The following MELK variants were observed in gnomAD, a reference collection of about 807,000 sequenced individuals.
MELK encodes the protein pEg3 kinase.
MELK carries 81 observed loss-of-function variants against 85.0 expected under a neutral mutation model. That is an observed-to-expected ratio of 0.95 (90% CI 0.80 to 1.15). The LOEUF is 1.15. Among genes scored for constraint, MELK ranks in the 50% most tolerant of loss-of-function variants. MELK has a pLI of 0.00. For missense variants in MELK, 754 were observed against 777.5 expected, an observed-to-expected ratio of 0.97 and a Z score of 0.36; for synonymous variants, 252 against 265.0, an observed-to-expected ratio of 0.95 and a Z score of 0.48.
In MELK at chr9:36,677,387, A is replaced by T; in HGVS notation, c.*50A>T. The T allele has an allele frequency of 6.7e-7, 1 of 1,484,514 alleles. No homozygotes were observed. Among genetic ancestry groups the T allele is most frequent in the Non-Finnish European group, 9.1e-7 (1 of 1,098,898 alleles). The allele number at this position is 1,484,514 out of a possible 1,614,324, so 92.0% of individuals were successfully genotyped here. ...GATGAGTGTGGGTGTGATACAGCCT[A>T]CATAAAGACTGTTATGATCGCTTTG... is the stretch of plus-strand genomic sequence containing the variant. On this transcript the variant is annotated 3_prime_UTR_variant, in exon 18 of 18. Transcript: ENST00000298048.
intron 3 of MELK, among the ~76,000 whole-genome samples, chr9:36,588,921 G>T (rs895438261): frequency 1.4e-4 from 22 of 152,136 alleles, no homozygotes; most frequent in Non-Finnish European, 2.8e-4. Flanking sequence ...GCTGAAAGTG[G>T]TAGCTCAGGC....
intron 4 of MELK, among the ~76,000 whole-genome samples, chr9:36,593,914 C>T (rs983358680): frequency 4.6e-5 from 7 of 152,124 alleles, no homozygotes; most frequent in Admixed American, 4.6e-4. Flanking sequence ...ACTCCTGATC[C>T]ACCCACCTCG....
rs747343194 is a variant in MELK at position 36,657,390 on chromosome 9, G to A, written c.1176+27G>A. The A allele has an allele frequency of 4.5e-6, 7 of 1,570,442 alleles. No homozygotes were observed. In the East Asian group the frequency reaches 1.4e-4, roughly 30 times the overall value. On this transcript the variant is annotated intron_variant, in intron 13 of 17. Transcript: ENST00000298048. ...TTCGTCATTCTTATTACTATTTAAG[G>A]CAGAATCTATTGTTTCAATTATAAA...
chr9:36,594,104 G>A (rs569991136), intron 4 of MELK, among the ~76,000 whole-genome samples: 1 of 152,316 alleles, frequency 6.6e-6, no homozygotes, highest in African/African-American at 2.4e-5. Flanking sequence ...TCACAGAAAA[G>A]TGGAGAAAGT....
chr9:36,636,340 T>C (rs1829135366), intron 10 of MELK, among the ~76,000 whole-genome samples: 1 of 151,656 alleles, frequency 6.6e-6, no homozygotes, highest in Admixed American at 6.6e-5. Flanking sequence ...CCGTTTCTAG[T>C]AAAAATACAA....
At chr9:36,667,322 A>AT (rs1832478634) in intron 14 of MELK, among the ~76,000 whole-genome samples, 1 of 151,624 alleles carries the variant, frequency 6.6e-6, no homozygotes, top group Non-Finnish European at 1.5e-5. Flanking sequence ...CGCTCAGCTA[A>AT]TTTTCGTATT....
chr9:36,626,733 G>A (rs955777437), intron 8 of MELK, among the ~76,000 whole-genome samples: 2 of 151,912 alleles, frequency 1.3e-5, no homozygotes, highest in South Asian at 2.1e-4. Flanking sequence ...TGAGGCGGGC[G>A]GATCACCTGA....
intron 8 of MELK, among the ~76,000 whole-genome samples, chr9:36,619,743 G>C (rs1358366076): frequency 6.6e-6 from 1 of 152,190 alleles, no homozygotes; most frequent in Non-Finnish European, 1.5e-5. Context: ...TTCTGTGTTT[G>C]AGTTGTGCTG....
intron 11 of MELK, among the ~76,000 whole-genome samples, chr9:36,648,991 G>A (rs143197332): frequency 5.1e-4 from 78 of 152,248 alleles, no homozygotes; most frequent in African/African-American, 1.8e-3. Flanking sequence ...CCCCAGATAT[G>A]CAGGGAGCGG....
At chr9:36,638,709 T>C (rs1267617655) in intron 10 of MELK, among the ~76,000 whole-genome samples, 2 of 152,228 alleles carry the variant, frequency 1.3e-5, no homozygotes, top group African/African-American at 4.8e-5. Flanking sequence ...ACTGTTAGGA[T>C]AGTACCTTTA....
intron 7 of MELK, among the ~76,000 whole-genome samples, chr9:36,601,529 T>C (rs978525056): frequency 9.2e-5 from 14 of 152,330 alleles, no homozygotes; most frequent in South Asian, 8.3e-4. Flanking sequence ...ACGTTTATCA[T>C]AGTCCTGGAA....
In MELK at chr9:36,597,331, G is replaced by A. The variant is rs768627517; in HGVS notation, c.474+41G>A. The A allele has an allele frequency of 5.2e-6, 8 of 1,532,830 alleles. No individual in the cohort carries two copies. The Admixed American group carries it at 1.4e-4, about 27-fold the overall frequency. 95.0% of individuals were successfully genotyped at this position (1,532,830 alleles called of 1,614,324 possible). A position where few individuals can be genotyped will look rare whatever the true frequency, so the allele number is the denominator to read the frequency against. ...AGATGCATCTATGTTCTTTGTAAAT[G>A]CATTTATTTCTTAGTGTGTGATTTT... On this transcript the variant is annotated intron_variant, in intron 6 of 17. Coordinates refer to ENST00000298048, the MANE Select transcript of MELK (RefSeq NM_014791.4).
At chr9:36,615,563 T>A (rs920369250) in intron 8 of MELK, among the ~76,000 whole-genome samples, 1 of 125,064 alleles carries the variant, frequency 8.0e-6, no homozygotes, top group African/African-American at 3.9e-5. Context: ...CCAGATGGGG[T>A]GGCTGCTGGG....
intron 10 of MELK, among the ~76,000 whole-genome samples, chr9:36,636,643 G>C (rs1487583743): frequency 1.3e-5 from 2 of 152,178 alleles, no homozygotes; most frequent in Non-Finnish European, 2.9e-5. Flanking sequence ...GGGCTGAATG[G>C]TCCAAGCCTC....
intron 8 of MELK, among the ~76,000 whole-genome samples, chr9:36,620,973 T>TA (rs1362012488): frequency 6.6e-6 from 1 of 151,654 alleles, no homozygotes; most frequent in East Asian, 1.9e-4. Flanking sequence ...AGTTGTTCAT[T>TA]AAAAAACTGA....
rs768664508 is a variant in MELK at position 36,583,620 on chromosome 9, T to C, written c.59-7T>C. 1 of 1,593,506 alleles carries C rather than the reference T, an allele frequency of 6.3e-7. No homozygotes were observed. Among genetic ancestry groups the C allele is most frequent in the East Asian group, 2.2e-5 (1 of 44,744 alleles). On this transcript the variant is annotated splice_polypyrimidine_tract_variant and splice_region_variant and intron_variant, in intron 2 of 17. Transcript: ENST00000298048. ...CTTATGCTTTCATAATACATTTTCCTACTTAGGTGGCTTTGCAAAGGTCAA... is the reference window on the plus strand; with the variant it reads ...CTTATGCTTTCATAATACATTTTCCCACTTAGGTGGCTTTGCAAAGGTCAA...
chr9:36,674,838 A>G lies in MELK; in HGVS notation c.1679A>G (p.His560Arg). The stretch of plus-strand genomic sequence containing the variant: ...CTCTTCTTTTTCTTTTCTTAGCTTC[A>G]CTATAACGTGACTACAACTAGATTA... ...ARDGPRRLKL[H>R]YNVTTTRLVN... The change falls in exon 17 of 18, where the codon CAC (histidine) becomes CGC (arginine). Residue 560 changes from histidine to arginine, a missense_variant. Transcript: ENST00000298048. 1 of 1,548,838 alleles carries G rather than the reference A, an allele frequency of 6.5e-7. No individual in the cohort carries two copies. Among genetic ancestry groups the G allele is most frequent in the Non-Finnish European group, 8.9e-7 (1 of 1,123,934 alleles).
intron 13 of MELK, among the ~76,000 whole-genome samples, chr9:36,661,329 T>C (rs1204418922): frequency 6.6e-6 from 1 of 152,222 alleles, no homozygotes; most frequent in Admixed American, 6.5e-5. Context: ...AGAGGTATAC[T>C]TTGTTTATGG....
intron 8 of MELK, among the ~76,000 whole-genome samples, chr9:36,611,752 C>CTAT (rs761980953): frequency 0.092 from 13,334 of 145,324 alleles, 649 homozygotes; most frequent in East Asian, 0.17. Flanking sequence ...ATAAATGTAG[C>CTAT]TATTATTATT....
Sources: allele counts gnomAD v4.1 joint callset (sites outside exome capture counted in the v4.1 genomes callset), GRCh38; gene constraint gnomAD v4.1.1; transcripts MANE v1.5; gene names NCBI Gene and HGNC (gene_info 2026-07-23, HGNC 2026-07-21).